The following PTPRB variants were observed in gnomAD, a reference collection of about 807,000 sequenced individuals.
PTPRB encodes the protein protein tyrosine phosphatase receptor type B, also known as receptor-type tyrosine-protein phosphatase beta.
A neutral mutation model predicts 238.1 loss-of-function variants in PTPRB; 97 were observed. The observed-to-expected ratio is 0.41, with a 90% CI of 0.35 to 0.48. The LOEUF is 0.48. Ranked by LOEUF, PTPRB falls within the 20% of genes least tolerant of loss-of-function variation. The pLI is 0.30. For synonymous variants in PTPRB, 970 were observed against 995.4 expected (o/e 0.97, Z 0.48); for missense variants, 2,292 against 2,681.9 (o/e 0.85, Z 3.21).
chr12:70,546,231 C>G (rs145829949), intron 21 of PTPRB, among the ~76,000 whole-genome samples: 1 of 152,172 alleles, frequency 6.6e-6, no homozygotes, highest in African/African-American at 2.4e-5. Flanking sequence ...TGATTTACAA[C>G]TATCCAGCTG....
At chr12:70,547,658 T>C (rs1481393626) in intron 21 of PTPRB, among the ~76,000 whole-genome samples, 5 of 151,058 alleles carry the variant, frequency 3.3e-5, no homozygotes, top group Non-Finnish European at 7.4e-5. Context: ...AAGTGCACAC[T>C]ACCATGGCCA....
chr12:70,561,887 G>A (rs1340976263), intron 16 of PTPRB, among the ~76,000 whole-genome samples: 2 of 152,212 alleles, frequency 1.3e-5, no homozygotes, highest in African/African-American at 2.4e-5. Context: ...CAGGGCCCTT[G>A]ACTGTCTTGT....
chr12:70,561,701 C>T (rs540545742), intron 16 of PTPRB, among the ~76,000 whole-genome samples: 2 of 152,342 alleles, frequency 1.3e-5, no homozygotes, highest in Non-Finnish European at 1.5e-5. Flanking sequence ...TGGCTCCCCT[C>T]ACCTTTAGGT....
rs577503241 is a variant in PTPRB at position 70,539,043 on chromosome 12, G to A, written c.5779-29C>T. ...TTAGGTCAAATATGAGTTTGTAAGTGGAGAATATGAAATAGAATAAAGCAA... is the reference window on the plus strand; with the variant it reads ...TTAGGTCAAATATGAGTTTGTAAGTAGAGAATATGAAATAGAATAAAGCAA... On this transcript the variant is annotated intron_variant, in intron 26 of 33. Coordinates refer to ENST00000334414, the MANE Select transcript of PTPRB (RefSeq NM_001109754.4). 5.3e-5 allele frequency: 82 copies of A among 1,535,492 alleles called. No homozygotes were observed. The East Asian group carries it at 1.7e-3, about 32-fold the overall frequency.
chr12:70,611,729 T>G (rs879475405), intron 3 of PTPRB, among the ~76,000 whole-genome samples: 10 of 152,238 alleles, frequency 6.6e-5, no homozygotes, highest in Non-Finnish European at 1.3e-4. Context: ...CCTTTCAAGT[T>G]AACAAACACT....
Position 70,596,187 on chromosome 12 carries a change from C to G in PTPRB, c.1120G>C (p.Gly374Arg). Residue 374 changes from glycine to arginine, a missense_variant, in exon 5 of 34, where the codon GGG becomes CGG. By Grantham distance (125) the Gly-to-Arg change is moderately radical. Around this residue, in one of 4 missense-constraint regions of PTPRB, gnomAD observed 1,205 missense variants for 1,287.8 expected, o/e 0.94. Transcript: ENST00000334414. ...GAAGTACTTTCTTGAATTTGAACCCCCTGTATCTTTTGGTTATTTTCATCA... is the reference window on the plus strand; with the variant it reads ...GAAGTACTTTCTTGAATTTGAACCCGCTGTATCTTTTGGTTATTTTCATCA... ...LFDENNQKIQGVQIQESTSWN... is the reference protein window; with the variant it reads ...LFDENNQKIQRVQIQESTSWN... 1.2e-6 allele frequency: 2 copies of G among 1,613,394 alleles called. No individual in the cohort carries two copies. The highest frequency in any genetic ancestry group is 1.7e-6 in the Non-Finnish European group (2 of 1,179,752).
chr12:70,606,542 T>G (rs1398659776), intron 4 of PTPRB, among the ~76,000 whole-genome samples: 2 of 152,202 alleles, frequency 1.3e-5, no homozygotes, highest in African/African-American at 2.4e-5. Context: ...TCTATTTTGT[T>G]TTAGACTGAT....
chr12:70,532,568 T>TTATC (rs1873445953), intron 31 of PTPRB, among the ~76,000 whole-genome samples: 1 of 152,178 alleles, frequency 6.6e-6, no homozygotes, highest in South Asian at 2.1e-4. Context: ...GTTTTCAGAT[T>TTATC]TATCTATATT....
intron 9 of PTPRB, among the ~76,000 whole-genome samples, chr12:70,581,930 C>CTA (rs1881440300): frequency 6.6e-6 from 1 of 152,052 alleles, no homozygotes; most frequent in South Asian, 2.1e-4. Context: ...ATTCAGAACT[C>CTA]TATAAAGTTG....
intron 33 of PTPRB, among the ~76,000 whole-genome samples, chr12:70,522,871 T>A (rs911101490): frequency 9.5e-5 from 14 of 147,098 alleles, no homozygotes; most frequent in African/African-American, 3.5e-4. Context: ...TTCTTTTTTT[T>A]TTTTTTTTTG....
At chr12:70,569,538 G>A (rs1175295072) in intron 14 of PTPRB, 137 bp downstream of exon 14, 24 of 985,826 alleles carry the variant, frequency 2.4e-5, no homozygotes, top group Admixed American at 2.0e-4. Context: ...AATGAGTAAG[G>A]CTCTTGAAAC....
chr12:70,539,918 G>C (rs928507651), intron 24 of PTPRB, 21 bp downstream of exon 24: 1 of 1,592,916 alleles, frequency 6.3e-7, no homozygotes, highest in Non-Finnish European at 8.6e-7. Context: ...CAAATTATAC[G>C]AAGGCAAATG....
chr12:70,592,757 A>G (rs951118902), intron 6 of PTPRB, among the ~76,000 whole-genome samples: 11 of 152,392 alleles, frequency 7.2e-5, no homozygotes, highest in Admixed American at 1.3e-4. Flanking sequence ...TTGTAAAACC[A>G]AAGGTAGGCT....
In PTPRB at chr12:70,560,554, G is replaced by T; in HGVS notation, c.4432+117C>A. ...CCACAGTCCCTTCCCAAATTCAGGG[G>T]CTAGCTCAGGGTATATCATTATTGG... On this transcript the variant is annotated intron_variant, in intron 17 of 33. Coordinates refer to ENST00000334414, the MANE Select transcript of PTPRB (RefSeq NM_001109754.4). The surrounding 1 kb of genome is among the most constrained non-coding windows in gnomAD (Gnocchi z 4.2). 1.5e-6 allele frequency: 2 copies of T among 1,343,416 alleles called. No individual in the cohort carries two copies. Among genetic ancestry groups the T allele is most frequent in the Non-Finnish European group, 2.0e-6 (2 of 990,140 alleles). The allele number at this position is 1,343,416 out of a possible 1,614,324, so 83.2% of individuals were successfully genotyped here.
intron 11 of PTPRB, among the ~76,000 whole-genome samples, chr12:70,575,113 G>A (rs1019023292): frequency 1.3e-5 from 2 of 152,118 alleles, no homozygotes; most frequent in African/African-American, 4.8e-5. Flanking sequence ...AATTATTCAA[G>A]GGTAGGGATA....
chr12:70,597,557 A>T (rs10506596), intron 4 of PTPRB, among the ~76,000 whole-genome samples: 2 of 152,076 alleles, frequency 1.3e-5, no homozygotes, highest in African/African-American at 4.8e-5. Context: ...CCTCTTTATG[A>T]GAAATTTTCA....
chr12:70,617,967 G>A (rs1298817421), intron 3 of PTPRB, among the ~76,000 whole-genome samples: 2 of 152,200 alleles, frequency 1.3e-5, no homozygotes. Context: ...ATAATATGTT[G>A]ACTCATCTGG....
chr12:70,538,284 G>A, intron 27 of PTPRB, 53 bp from the exon 28 acceptor site: 1 of 1,399,624 alleles, frequency 7.1e-7, no homozygotes, highest in Non-Finnish European at 1.0e-6. Flanking sequence ...TACAGTTTAT[G>A]TGATGTGTGT....
chr12:70,582,229 T>G (rs1255249300), intron 9 of PTPRB, among the ~76,000 whole-genome samples: 1 of 152,088 alleles, frequency 6.6e-6, no homozygotes, highest in Non-Finnish European at 1.5e-5. Flanking sequence ...CACCCCTCTT[T>G]CTCAAAGTTC....
Sources: gnomAD v4.1 joint callset for allele counts (sites outside exome capture counted in the v4.1 genomes callset) on GRCh38, gnomAD v4.1.1 for gene constraint, gnomAD v4.1.1 regional missense constraint, Gnocchi (gnomAD v3.1) non-coding constraint, MANE v1.5 for transcripts, NCBI Gene and HGNC (gene_info 2026-07-23, HGNC 2026-07-21) for gene names.